OTUD7A: variants seen among roughly 807,000 people sequenced by gnomAD.
OTUD7A encodes the protein OTU deubiquitinase 7A.
Under a neutral mutation model 65.7 loss-of-function variants are expected in OTUD7A, and 12 were observed. The ratio of observed to expected loss-of-function variants is 0.18; its 90% confidence interval spans 0.12 to 0.30. OTUD7A has a LOEUF of 0.30. Ranked by LOEUF, OTUD7A falls within the 10% of genes least tolerant of loss-of-function variation. The pLI, the probability that OTUD7A is intolerant of heterozygous loss-of-function variation, is 1.00. For synonymous variants in OTUD7A, 641 were observed against 586.3 expected, an observed-to-expected ratio of 1.09 and a Z score of -1.35; for missense variants, 1,148 against 1,304.8, an observed-to-expected ratio of 0.88 and a Z score of 1.85.
chr15:31,863,052 G>A (rs1897785521), intron 1 of OTUD7A, among the ~76,000 whole-genome samples: 1 of 152,232 alleles, frequency 6.6e-6, no homozygotes, highest in South Asian at 2.1e-4. Flanking sequence ...CAGCAGGGCA[G>A]TCAAATCTTA....
chr15:31,662,886 T>A (rs1427462887), intron 1 of OTUD7A, among the ~76,000 whole-genome samples: 1 of 152,218 alleles, frequency 6.6e-6, no homozygotes, highest in South Asian at 2.1e-4. Flanking sequence ...TGATAGCATA[T>A]TACACAGTTA....
At chr15:31,526,497 C>A in intron 7 of OTUD7A, 36 bp from the exon 8 acceptor site, 1 of 1,493,932 alleles carries the variant, frequency 6.7e-7, no homozygotes, top group Non-Finnish European at 9.0e-7. Flanking sequence ...GGGGGGTGGG[C>A]CACAGCTGCG....
At chr15:31,703,183 G>A (rs958992459) in intron 1 of OTUD7A, among the ~76,000 whole-genome samples, 7 of 152,014 alleles carry the variant, frequency 4.6e-5, no homozygotes, top group African/African-American at 1.7e-4. Context: ...GAAAATCTTA[G>A]GGATTTAGGG....
chr15:31,695,976 C>A lies in OTUD7A; in HGVS notation c.-99-38899G>T, dbSNP rs1223323759. Among the ~76,000 whole-genome samples, 51 of 152,174 alleles carry A rather than the reference C, an allele frequency of 3.4e-4. 1 individual carries two copies. The highest frequency in any genetic ancestry group is 5.9e-5 in the Non-Finnish European group (4 of 68,040). The stretch of plus-strand genomic sequence containing the variant: ...CACCTGAGGAAGAGGGGCTCAGGCA[C>A]ACACAGGCCTGTCCTTCTACTGCCC... On this transcript the variant is annotated intron_variant, in intron 1 of 12. Transcript: ENST00000307050.
At chr15:31,731,080 G>C (rs543449866) in intron 1 of OTUD7A, among the ~76,000 whole-genome samples, 5 of 152,136 alleles carry the variant, frequency 3.3e-5, no homozygotes, top group Non-Finnish European at 5.9e-5. Flanking sequence ...CCAGACTCCT[G>C]GGATAATGCA....
Position 31,484,410 on chromosome 15 carries a change from G to T in OTUD7A, c.1686C>A (p.Asp562Glu). ...RANSANGKNG[D>E]SAERGKEKKA... ...TCTTCTCCTTGCCCCGCTCGGCCGA[G>T]TCCCCGTTCTTGCCATTGGCGGAGT... is the stretch of plus-strand genomic sequence containing the variant. Residue 562 changes from aspartate to glutamate, a missense_variant, in exon 13 of 13, where the codon GAC (aspartate) becomes GAA (glutamate). Physicochemically the swap from Asp to Glu is conservative, Grantham distance 45. Transcript: ENST00000307050. The surrounding 1 kb of genome is among the most constrained non-coding windows in gnomAD (Gnocchi z 4.5). The T allele has an allele frequency of 6.2e-7, 1 of 1,601,984 alleles. No individual in the cohort carries two copies.
At chr15:31,638,589 G>T (rs1281613490) in intron 3 of OTUD7A, among the ~76,000 whole-genome samples, 3 of 150,874 alleles carry the variant, frequency 2.0e-5, no homozygotes, top group African/African-American at 2.4e-5. Flanking sequence ...TAGAGACGAG[G>T]TCTCACCATG....
rs1892013719 is a variant in OTUD7A at position 31,657,046 on chromosome 15, G to C, written c.-68C>G. On this transcript the variant is annotated 5_prime_UTR_variant, in exon 2 of 13. Transcript: ENST00000307050. ...CTTCTCTCCATGCACTGGGGCCTCGGCCGGGAGAGTCTCTTCTTTCGTCAC... is the reference window on the plus strand; with the variant it reads ...CTTCTCTCCATGCACTGGGGCCTCGCCCGGGAGAGTCTCTTCTTTCGTCAC... 1 of 152,662 alleles carries C rather than the reference G, an allele frequency of 6.6e-6. No individual in the cohort carries two copies. The highest frequency in any genetic ancestry group is 2.1e-4 in the South Asian group (1 of 4,834). The allele number at this position is 152,662 out of a possible 1,614,324, so 9.5% of individuals were successfully genotyped here.
chr15:31,696,019 C>T (rs1182016124), intron 1 of OTUD7A, among the ~76,000 whole-genome samples: 4 of 152,264 alleles, frequency 2.6e-5, no homozygotes, highest in South Asian at 4.1e-4. Context: ...GAGAATTCTC[C>T]GCAGAGAACC....
chr15:31,851,583 A>C (rs1225897218), intron 1 of OTUD7A, among the ~76,000 whole-genome samples: 1 of 152,190 alleles, frequency 6.6e-6, no homozygotes, highest in Non-Finnish European at 1.5e-5. Flanking sequence ...TTTTCCAAAC[A>C]CCAGTTTATT....
At chr15:31,807,286 C>T (rs1420689710) in intron 1 of OTUD7A, among the ~76,000 whole-genome samples, 1 of 152,126 alleles carries the variant, frequency 6.6e-6, no homozygotes, top group Non-Finnish European at 1.5e-5. Context: ...GAGCCCCAAG[C>T]TCTTCACTGC....
chr15:31,835,184 AAC>A (rs1392011873), intron 1 of OTUD7A, among the ~76,000 whole-genome samples: 2 of 152,212 alleles, frequency 1.3e-5, no homozygotes, highest in Non-Finnish European at 1.5e-5. Context: ...ACAAGGTTCA[AAC>A]ACAGAAAAAA....
intron 3 of OTUD7A, among the ~76,000 whole-genome samples, chr15:31,600,059 A>G (rs780765723): frequency 5.9e-5 from 9 of 152,206 alleles, no homozygotes; most frequent in Non-Finnish European, 1.0e-4. Flanking sequence ...CCAAGATGGA[A>G]AACACTCTTC....
chr15:31,859,960 C>T (rs1371971111), intron 1 of OTUD7A, among the ~76,000 whole-genome samples: 1 of 152,090 alleles, frequency 6.6e-6, no homozygotes, highest in Non-Finnish European at 1.5e-5. Context: ...GATTTGCCAC[C>T]ATTTTTTAAC....
At chr15:31,716,099 C>A (rs1893574262) in intron 1 of OTUD7A, among the ~76,000 whole-genome samples, 2 of 99,652 alleles carry the variant, frequency 2.0e-5, no homozygotes, top group Non-Finnish European at 4.2e-5. Flanking sequence ...GGCAGAAACC[C>A]AAAGAAACAG....
chr15:31,804,012 A>C (rs1420083005), intron 1 of OTUD7A, among the ~76,000 whole-genome samples: 1 of 152,162 alleles, frequency 6.6e-6, no homozygotes, highest in African/African-American at 2.4e-5. Flanking sequence ...ATGCCTCCCT[A>C]ACTCCAGGGG....
intron 1 of OTUD7A, among the ~76,000 whole-genome samples, chr15:31,670,871 T>G (rs985764572): frequency 1.3e-5 from 2 of 151,976 alleles, no homozygotes; most frequent in African/African-American, 4.8e-5. Flanking sequence ...GGCGGGCGCC[T>G]GTAGTCCCAG....
intron 3 of OTUD7A, among the ~76,000 whole-genome samples, chr15:31,570,398 T>C (rs1889011830): frequency 6.6e-6 from 1 of 151,564 alleles, no homozygotes; most frequent in Non-Finnish European, 1.5e-5. Flanking sequence ...GTGACGTCCA[T>C]CTAAAATATG....
chr15:31,649,080 G>A (rs1426681699), intron 3 of OTUD7A, among the ~76,000 whole-genome samples: 3 of 152,168 alleles, frequency 2.0e-5, no homozygotes, highest in East Asian at 1.9e-4. Context: ...CTGTAAAAAC[G>A]CTTACCTATA....
Sources: gnomAD v4.1 joint callset for allele counts (sites outside exome capture counted in the v4.1 genomes callset) on GRCh38, gnomAD v4.1.1 for gene constraint, Gnocchi (gnomAD v3.1) non-coding constraint, MANE v1.5 for transcripts, NCBI Gene and HGNC (gene_info 2026-07-23, HGNC 2026-07-21) for gene names.